The following SLC2A8 variants were observed in gnomAD, a reference collection of about 807,000 sequenced individuals.
SLC2A8 encodes the protein solute carrier family 2 member 8, also known as solute carrier family 2, facilitated glucose transporter member 8.
In SLC2A8, 53 loss-of-function variants were observed where a neutral mutation model predicts 49.2. The ratio of observed to expected loss-of-function variants is 1.08; its 90% confidence interval spans 0.86 to 1.35. The LOEUF (loss-of-function observed/expected upper bound fraction) is 1.35, where lower values mean the gene tolerates loss of function less well. SLC2A8 is among the 40% of genes most tolerant of loss of function. The pLI, the probability that SLC2A8 is intolerant of heterozygous loss-of-function variation, is 0.00. For missense variants in SLC2A8, 688 were observed against 671.7 expected, an observed-to-expected ratio of 1.02 and a Z score of -0.27; for synonymous variants, 299 against 297.0, an observed-to-expected ratio of 1.01 and a Z score of -0.07.
intron 7 of SLC2A8, chr9:127,404,322 A>T (rs1300625965): frequency 4.8e-6 from 2 of 420,520 alleles, no homozygotes; most frequent in Admixed American, 8.3e-5. Flanking sequence ...TTATGACGGG[A>T]AAACTGAGGG....
intron 3 of SLC2A8, among the ~76,000 whole-genome samples, chr9:127,398,657 C>T (rs1309228787): frequency 6.6e-6 from 1 of 152,212 alleles, no homozygotes; most frequent in Non-Finnish European, 1.5e-5. Context: ...TTGGGAGCCC[C>T]GAACATCTGG....
intron 6 of SLC2A8, 52 bp downstream of exon 6, chr9:127,403,855 T>C (rs772250731): frequency 1.2e-6 from 2 of 1,603,402 alleles, no homozygotes; most frequent in South Asian, 1.1e-5. Context: ...TAGATGGAGC[T>C]TCCTCCCCAA....
chr9:127,398,395 C>A lies in SLC2A8; in HGVS notation c.426+284C>A, dbSNP rs1195697394. ...TCAGAGGGGAAGCAGTTGCAGGAACCCAGGGTTGTCCCACTTAGCCGTGCC... is the reference window on the plus strand; with the variant it reads ...TCAGAGGGGAAGCAGTTGCAGGAACACAGGGTTGTCCCACTTAGCCGTGCC... On this transcript the variant is annotated intron_variant, in intron 3 of 9. Transcript: ENST00000373371. 4.0e-6 allele frequency: 3 copies of A among 748,484 alleles called. No homozygotes were observed. The East Asian group carries it at 7.8e-5, about 19-fold the overall frequency. 46.4% of individuals were successfully genotyped at this position (748,484 alleles called of 1,614,324 possible).
At chr9:127,401,092 C>A (rs1403747248) in intron 4 of SLC2A8, among the ~76,000 whole-genome samples, 1 of 152,176 alleles carries the variant, frequency 6.6e-6, no homozygotes, top group Non-Finnish European at 1.5e-5. Context: ...GAGACTCTGT[C>A]TCAAAAAGAA....
Position 127,404,836 on chromosome 9 carries a change from G to GC in SLC2A8, c.996dup (p.Thr333HisfsTer33). 1 of 1,612,284 alleles carries GC rather than the reference G, an allele frequency of 6.2e-7. No homozygotes were observed. Among genetic ancestry groups the GC allele is most frequent in the Non-Finnish European group, 8.5e-7 (1 of 1,179,538 alleles). ...CCTGCAGGTGTGGTCATGGTGTTCA[G>GC]CACGAGTGCCTTCGGCGCCTACTTC... On this transcript the variant is annotated frameshift_variant, in exon 8 of 10. Transcript: ENST00000373371. LOFTEE classifies it high-confidence loss of function.
intron 9 of SLC2A8, 138 bp from the exon 10 acceptor site, chr9:127,406,974 G>A: frequency 1.1e-5 from 10 of 916,832 alleles, no homozygotes; most frequent in Non-Finnish European, 1.7e-5. Context: ...GCTGGGTGGA[G>A]ATAAAATGGG....
At chr9:127,403,539 G>A in intron 5 of SLC2A8, 121 bp from the exon 6 acceptor site, 1 of 1,172,206 alleles carries the variant, frequency 8.5e-7, no homozygotes, top group Non-Finnish European at 1.2e-6. Context: ...GGGGGTGCTG[G>A]GATGAGGAGC....
rs763808699 is a variant in SLC2A8, at chr9:127,405,552, TCAG to T, written c.1288_1290del (p.Ser430del). 2 of 1,613,178 alleles carry T rather than the reference TCAG, an allele frequency of 1.2e-6. No homozygotes were observed. Among genetic ancestry groups the T allele is most frequent in the East Asian group, 2.2e-5 (1 of 44,886 alleles). ...ATGGCCTTTCTCGTGACCAAGGAGT[TCAG>T]CAGCCTCATGGTGAGGGCAGGCTCC... On this transcript the variant is annotated inframe_deletion, in exon 9 of 10. Transcript: ENST00000373371.
Position 127,405,479 on chromosome 9 carries a change from C to A in SLC2A8, c.1210C>A (p.His404Asn). 6.2e-7 allele frequency: 1 copy of A among 1,613,202 alleles called. No homozygotes were observed. The highest frequency in any genetic ancestry group is 8.5e-7 in the Non-Finnish European group (1 of 1,180,012). The part of the protein sequence containing the change: ...WLLMSEIFPL[H>N]VKGVATGICV... ...CCTCATGTCAGAGATCTTCCCTCTGCATGTCAAGGGCGTGGCGACAGGCAT... is the reference window on the plus strand; with the variant it reads ...CCTCATGTCAGAGATCTTCCCTCTGAATGTCAAGGGCGTGGCGACAGGCAT... Residue 404 changes from histidine to asparagine, a missense_variant, in exon 9 of 10, where the codon CAT becomes AAT. By Grantham distance (68) the His-to-Asn change is moderately conservative. Coordinates refer to ENST00000373371, the MANE Select transcript of SLC2A8 (RefSeq NM_014580.5).
At chr9:127,405,068 T>C (rs893251884) in intron 8 of SLC2A8, 77 bp downstream of exon 8, 17 of 1,477,624 alleles carry the variant, frequency 1.2e-5, no homozygotes, top group Non-Finnish European at 1.6e-5. Context: ...TCCCGGCAGG[T>C]GGGGTCTTCC....
Position 127,405,433 on chromosome 9 carries a change from C to G in SLC2A8, c.1164C>G (p.Gly388=), listed in dbSNP as rs762295630. The G allele has an allele frequency of 6.2e-7, 1 of 1,612,776 alleles. No homozygotes were observed. The highest frequency in any genetic ancestry group is 8.5e-7 in the Non-Finnish European group (1 of 1,179,976). The change falls in exon 9 of 10, where the codon GGC becomes GGG. Residue 388 remains glycine, a synonymous_variant. Coordinates refer to ENST00000373371, the MANE Select transcript of SLC2A8 (RefSeq NM_014580.5). ...TCGCTCCCACAGGCTTTGCGGTGGGCTGGGGGCCCATCCCCTGGCTCCTCA... is the reference window on the plus strand; with the variant it reads ...TCGCTCCCACAGGCTTTGCGGTGGGGTGGGGGCCCATCCCCTGGCTCCTCA... ...MCLFIAGFAV[G]WGPIPWLLMS... is the part of the protein sequence containing the mutation.
rs1395080857 is a variant in SLC2A8, at chr9:127,399,851, G to A, written c.427-56G>A. ...CCGCCTCGGCCTCCCAGAGTGCTGG[G>A]ATTGCAGGCATGAGCCACTGCGCCC... On this transcript the variant is annotated intron_variant, in intron 3 of 9. Transcript: ENST00000373371. This position sits in a 1 kb window ranked among gnomAD's most constrained non-coding sequence, Gnocchi z 4.2. 1 of 1,492,788 alleles carries A rather than the reference G, an allele frequency of 6.7e-7. No individual in the cohort carries two copies. Among genetic ancestry groups the A allele is most frequent in the Non-Finnish European group, 9.3e-7 (1 of 1,073,838 alleles). 92.5% of individuals were successfully genotyped at this position (1,492,788 alleles called of 1,614,324 possible).
In SLC2A8 at chr9:127,403,952, C is replaced by T. The variant is rs1191305848; in HGVS notation, c.868-7C>T. On this transcript the variant is annotated splice_region_variant and splice_polypyrimidine_tract_variant and intron_variant, in intron 6 of 9. Coordinates refer to ENST00000373371, the MANE Select transcript of SLC2A8 (RefSeq NM_014580.5). Reference sequence around the variant, plus strand: ...CACCTGACCTGCCTGGGCTCTGTCTCCCCCAGGACAGCAGCCTGGCCTCGG... The same window carrying T: ...CACCTGACCTGCCTGGGCTCTGTCTTCCCCAGGACAGCAGCCTGGCCTCGG... The T allele has an allele frequency of 6.2e-7, 1 of 1,610,256 alleles. No individual in the cohort carries two copies. The highest frequency in any genetic ancestry group is 8.5e-7 in the Non-Finnish European group (1 of 1,177,942).
Position 127,403,884 on chromosome 9 carries a change from C to T in SLC2A8, c.868-75C>T, listed in dbSNP as rs1833389892. The T allele has an allele frequency of 3.1e-6, 5 of 1,598,970 alleles. 1 individual carries two copies. The East Asian group carries it at 6.7e-5, about 22-fold the overall frequency. On this transcript the variant is annotated intron_variant, in intron 6 of 9. Transcript: ENST00000373371. ...TCCCCAAGCCCAGGGCCCAGCCATC[C>T]AGCACAGGCCTGGAGAGGGAGGGAC...
chr9:127,397,193 C>T lies in SLC2A8; in HGVS notation c.-38C>T. The T allele has an allele frequency of 2.1e-6, 3 of 1,446,262 alleles. No individual in the cohort carries two copies. The highest frequency in any genetic ancestry group is 1.4e-5 in the South Asian group (1 of 73,740). The allele number at this position is 1,446,262 out of a possible 1,614,324, so 89.6% of individuals were successfully genotyped here. A position where few individuals can be genotyped will look rare whatever the true frequency, so the allele number is the denominator to read the frequency against. ...CGCACTCGCAGGGCCCGTGGCGGTT[C>T]AGGCGCCAGAGCTGGCCGATCGGCG... On this transcript the variant is annotated 5_prime_UTR_variant, in exon 1 of 10. Transcript: ENST00000373371.
chr9:127,405,512 C>G lies in SLC2A8; in HGVS notation c.1243C>G (p.Leu415Val). ...GGGCGTGGCGACAGGCATCTGCGTC[C>G]TCACCAACTGGCTCATGGCCTTTCT... is the stretch of plus-strand genomic sequence containing the variant. The part of the protein sequence containing the change: ...VKGVATGICV[L>V]TNWLMAFLVT... Residue 415 changes from leucine (L) to valine (V), a missense_variant, in exon 9 of 10, where the codon CTC becomes GTC. Physicochemically the swap from Leu to Val is conservative, Grantham distance 32 (BLOSUM62 1). Coordinates refer to ENST00000373371, the MANE Select transcript of SLC2A8 (RefSeq NM_014580.5). The G allele has an allele frequency of 6.2e-7, 1 of 1,613,256 alleles. No homozygotes were observed. Among genetic ancestry groups the G allele is most frequent in the Non-Finnish European group, 8.5e-7 (1 of 1,180,016 alleles).
At position 127,398,262 on chromosome 9, in the gene SLC2A8, C is replaced by T. The variant is rs948778100; in HGVS notation, c.426+151C>T. On this transcript the variant is annotated intron_variant, in intron 3 of 9. Coordinates refer to ENST00000373371, the MANE Select transcript of SLC2A8 (RefSeq NM_014580.5). ...GTCCCTGCGTTATCTCGCGGTCCCTCCCGTCGACCCTGGGAAGGATCCTAC... is the reference window on the plus strand; with the variant it reads ...GTCCCTGCGTTATCTCGCGGTCCCTTCCGTCGACCCTGGGAAGGATCCTAC... 9.6e-6 allele frequency: 8 copies of T among 836,408 alleles called. No individual in the cohort carries two copies. The African/African-American group carries it at 1.3e-4, about 14-fold the overall frequency. The allele number at this position is 836,408 out of a possible 1,614,324, so 51.8% of individuals were successfully genotyped here. A position where few individuals can be genotyped will look rare whatever the true frequency, so the allele number is the denominator to read the frequency against.
chr9:127,403,211 G>A (rs1429599955), intron 5 of SLC2A8: 1 of 247,120 alleles, frequency 4.0e-6, no homozygotes. Context: ...AGTGCTGGGT[G>A]GGACTCAGTG....
intron 3 of SLC2A8, 164 bp downstream of exon 3, chr9:127,398,275 G>A: frequency 2.5e-6 from 2 of 808,488 alleles, no homozygotes; most frequent in South Asian, 1.3e-5. Context: ...GTCGACCCTG[G>A]GAAGGATCCT....
Sources: gnomAD v4.1 joint callset for allele counts (sites outside exome capture counted in the v4.1 genomes callset) on GRCh38, gnomAD v4.1.1 for gene constraint, Gnocchi (gnomAD v3.1) non-coding constraint, MANE v1.5 for transcripts, NCBI Gene and HGNC (gene_info 2026-07-23, HGNC 2026-07-21) for gene names.